Variants in FHIT observed in about 807,000 individuals in gnomAD.
FHIT encodes fragile histidine triad diadenosine triphosphatase, also known as bis(5'-adenosyl)-triphosphatase.
In FHIT, 19 loss-of-function variants were observed where a neutral mutation model predicts 17.9. The ratio of observed to expected loss-of-function variants is 1.06; its 90% CI spans 0.74 to 1.56. FHIT has a LOEUF of 1.56. Ranked by LOEUF, FHIT falls within the 40% of genes most tolerant of loss-of-function variation. FHIT has a pLI of 0.00. For missense variants in FHIT, 248 were observed against 189.2 expected, an observed-to-expected ratio of 1.31 and a Z score of -1.82; for synonymous variants, 81 against 69.7, an observed-to-expected ratio of 1.16 and a Z score of -0.81.
intron 5 of FHIT, among the ~76,000 whole-genome samples, chr3:60,048,428 G>A (rs192348977): frequency 2.2e-4 from 33 of 152,182 alleles, no homozygotes; most frequent in Admixed American, 1.8e-3. Context: ...CACCTGCCTC[G>A]GCCTCCCAGA....
At chr3:60,600,707 G>T (rs1241467035) in intron 4 of FHIT, among the ~76,000 whole-genome samples, 7 of 152,128 alleles carry the variant, frequency 4.6e-5, no homozygotes, top group Non-Finnish European at 1.0e-4. Flanking sequence ...ATATGAAAAG[G>T]TATGGACTGA....
intron 5 of FHIT, among the ~76,000 whole-genome samples, chr3:60,326,943 G>T (rs1709722617): frequency 6.6e-6 from 1 of 152,198 alleles, no homozygotes; most frequent in Admixed American, 6.5e-5. Context: ...CAATTTGGCA[G>T]TATCTGGCAA....
At chr3:60,631,250 T>G (rs1028570915) in intron 4 of FHIT, among the ~76,000 whole-genome samples, 11 of 152,148 alleles carry the variant, frequency 7.2e-5, no homozygotes, top group African/African-American at 2.7e-4. Context: ...AGGTATAATA[T>G]CATTTTGATT....
chr3:59,979,996 G>A (rs1237892162), intron 7 of FHIT, among the ~76,000 whole-genome samples: 1 of 152,120 alleles, frequency 6.6e-6, no homozygotes, highest in Non-Finnish European at 1.5e-5. Flanking sequence ...CTGACAGATG[G>A]CAAATACACC....
chr3:61,173,712 A>C (rs921909640), intron 2 of FHIT, among the ~76,000 whole-genome samples: 2 of 152,236 alleles, frequency 1.3e-5, no homozygotes, highest in Non-Finnish European at 2.9e-5. Flanking sequence ...TTGAGGGATA[A>C]ATTTAACACT....
intron 8 of FHIT, among the ~76,000 whole-genome samples, chr3:59,849,328 A>G (rs367803955): frequency 1.8e-4 from 28 of 152,256 alleles, no homozygotes; most frequent in African/African-American, 6.5e-4. Context: ...AGCTGAGATC[A>G]TGCTACTGCG....
At chr3:59,892,970 G>A (rs914945862) in intron 8 of FHIT, among the ~76,000 whole-genome samples, 2 of 152,096 alleles carry the variant, frequency 1.3e-5, no homozygotes, top group Non-Finnish European at 2.9e-5. Flanking sequence ...AATTTTAAGT[G>A]CCATATTTAA....
intron 5 of FHIT, among the ~76,000 whole-genome samples, chr3:60,310,563 C>T (rs1349242155): frequency 6.6e-6 from 1 of 152,066 alleles, no homozygotes; most frequent in Non-Finnish European, 1.5e-5. Flanking sequence ...GTCCAAGCCT[C>T]TCCAGTTGGC....
chr3:60,705,332 G>T (rs1386840920), intron 4 of FHIT, among the ~76,000 whole-genome samples: 1 of 152,104 alleles, frequency 6.6e-6, no homozygotes, highest in African/African-American at 2.4e-5. Context: ...TAAGAAAATG[G>T]AGACCAAAGG....
chr3:59,997,574 T>A, intron 7 of FHIT, among the ~76,000 whole-genome samples: 1 of 152,182 alleles, frequency 6.6e-6, no homozygotes, highest in East Asian at 1.9e-4. Context: ...TACAAGATGA[T>A]TGTCCTAAAA....
chr3:61,020,684 T>C (rs2032372404), intron 3 of FHIT, among the ~76,000 whole-genome samples: 1 of 152,156 alleles, frequency 6.6e-6, no homozygotes, highest in African/African-American at 2.4e-5. Flanking sequence ...TAACCTTAAA[T>C]GTAAACAGGC....
At chr3:60,270,587 T>C (rs917646512) in intron 5 of FHIT, among the ~76,000 whole-genome samples, 1 of 152,176 alleles carries the variant, frequency 6.6e-6, no homozygotes, top group African/African-American at 2.4e-5. Flanking sequence ...CTGTAACTGG[T>C]TATGAAATAT....
At chr3:60,061,406 T>C (rs982132419) in intron 5 of FHIT, among the ~76,000 whole-genome samples, 17 of 152,234 alleles carry the variant, frequency 1.1e-4, no homozygotes, top group African/African-American at 4.1e-4. Flanking sequence ...TGCTGAAGAG[T>C]CTGTTTGTAG....
intron 8 of FHIT, among the ~76,000 whole-genome samples, chr3:59,831,684 TCCAAAGTGC>T (rs1701169962): frequency 6.6e-6 from 1 of 151,926 alleles, no homozygotes; most frequent in Admixed American, 6.6e-5. Flanking sequence ...TAACTACAAC[TCCAAAGTGC>T]CCTGCCTCCT....
rs903618474 is a variant in FHIT at position 60,150,143 on chromosome 3, T to C, written c.104-135991A>G. 3.5e-5 allele frequency among the ~76,000 whole-genome samples: 5 copies of C among 142,752 alleles called. No individual in the cohort carries two copies. The East Asian group carries it at 1.1e-3, about 30-fold the overall frequency. 93.7% of individuals were successfully genotyped at this position (142,752 alleles called of 152,430 possible). On this transcript the variant is annotated intron_variant, in intron 5 of 9. Transcript: ENST00000492590. ...TCCTGAGTAGCTAGGATTACAGGCA[T>C]GCGCCCCCCACGCCCGGCTCATTTT...
At chr3:60,056,753 G>C (rs1575993553) in intron 5 of FHIT, among the ~76,000 whole-genome samples, 1 of 152,304 alleles carries the variant, frequency 6.6e-6, no homozygotes, top group East Asian at 1.9e-4. Flanking sequence ...AATGAAAAAG[G>C]TTTTCTTCAT....
intron 3 of FHIT, among the ~76,000 whole-genome samples, chr3:60,848,123 T>C (rs764607283): frequency 1.3e-5 from 2 of 152,184 alleles, no homozygotes; most frequent in Non-Finnish European, 2.9e-5. Flanking sequence ...CCTTTGGCAT[T>C]AGTCTATTTT....
intron 4 of FHIT, among the ~76,000 whole-genome samples, chr3:60,619,617 A>G (rs1553677551): frequency 6.7e-6 from 1 of 149,978 alleles, no homozygotes; most frequent in East Asian, 1.9e-4. Flanking sequence ...AAAAAAAAAA[A>G]AAAAAAAAAA....
At chr3:60,894,766 A>G (rs1705702243) in intron 3 of FHIT, among the ~76,000 whole-genome samples, 1 of 152,190 alleles carries the variant, frequency 6.6e-6, no homozygotes, top group African/African-American at 2.4e-5. Flanking sequence ...CATATCATGA[A>G]CATCCCATAC....
Sources: gnomAD v4.1 joint callset for allele counts (sites outside exome capture counted in the v4.1 genomes callset) on GRCh38, gnomAD v4.1.1 for gene constraint, MANE v1.5 for transcripts, NCBI Gene and HGNC (gene_info 2026-07-23, HGNC 2026-07-21) for gene names.